MAEA: variants seen among roughly 807,000 people sequenced by gnomAD.
MAEA encodes macrophage erythroblast attacher, E3 ubiquitin ligase, also known as E3 ubiquitin-protein transferase MAEA.
MAEA carries 22 observed loss-of-function variants against 46.2 expected under a neutral mutation model. That is an observed-to-expected ratio of 0.48 (90% CI 0.34 to 0.68). The LOEUF (loss-of-function observed/expected upper bound fraction) is 0.68. MAEA is among the 30% of genes least tolerant of loss of function. The pLI, the probability that MAEA is intolerant of heterozygous loss-of-function variation, is 0.01. For missense variants in MAEA, 393 were observed against 558.1 expected, an observed-to-expected ratio of 0.70 and a Z score of 2.98; for synonymous variants, 246 against 222.6, an observed-to-expected ratio of 1.11 and a Z score of -0.94.
intron 4 of MAEA, among the ~76,000 whole-genome samples, chr4:1,326,063 C>A (rs1347381972): frequency 6.6e-6 from 1 of 152,220 alleles, no homozygotes; most frequent in Non-Finnish European, 1.5e-5. Context: ...GGGGTCTGGG[C>A]AGCCCAGTCC....
intron 1 of MAEA, among the ~76,000 whole-genome samples, chr4:1,295,267 C>T (rs1489140294): frequency 6.6e-6 from 1 of 152,126 alleles, no homozygotes; most frequent in Non-Finnish European, 1.5e-5. Context: ...GCCGGGGTAA[C>T]TGCTGATGAT....
In MAEA at chr4:1,336,905, C is replaced by G. The variant is rs546542242; in HGVS notation, c.810C>G (p.Phe270Leu). The G allele has an allele frequency of 6.2e-7, 1 of 1,614,026 alleles. No homozygotes were observed. The highest frequency in any genetic ancestry group is 1.1e-5 in the South Asian group (1 of 91,080). The change falls in exon 7 of 9, where the codon TTC becomes TTG. Residue 270 changes from phenylalanine (F) to leucine (L), a missense_variant. Transcript: ENST00000303400. Reference sequence around the variant, plus strand: ...GGTGGCGGATGCTGATCCAGCAGTTCCGGTACGACAACTACCGACTACACC... The same window carrying G: ...GGTGGCGGATGCTGATCCAGCAGTTGCGGTACGACAACTACCGACTACACC... ...PARWRMLIQQ[F>L]RYDNYRLHQL...
Position 1,339,720 on chromosome 4 carries a change from C to G in MAEA, c.*551C>G, listed in dbSNP as rs566925949. 1 of 154,970 alleles carries G rather than the reference C, an allele frequency of 6.5e-6. No individual in the cohort carries two copies. Among genetic ancestry groups the G allele is most frequent in the East Asian group, 1.9e-4 (1 of 5,214 alleles). 9.6% of individuals were successfully genotyped at this position (154,970 alleles called of 1,614,324 possible). The stretch of plus-strand genomic sequence containing the variant: ...CGCCGCCACCGTCGGGGGCTGGCTT[C>G]GAGGACGCCCGCCTGCCTCGCGGGT... On this transcript the variant is annotated 3_prime_UTR_variant, in exon 9 of 9. Transcript: ENST00000303400.
At chr4:1,304,334 A>T (rs6599298) in intron 1 of MAEA, among the ~76,000 whole-genome samples, 14 of 151,884 alleles carry the variant, frequency 9.2e-5, no homozygotes, top group Admixed American at 9.2e-4. Flanking sequence ...GGGTGTCTCT[A>T]TGTTGCCCAG....
At chr4:1,310,754 G>T (rs1489301935) in intron 1 of MAEA, among the ~76,000 whole-genome samples, 1 of 152,222 alleles carries the variant, frequency 6.6e-6, no homozygotes, top group Non-Finnish European at 1.5e-5. Context: ...CTGGGGCCAG[G>T]CCGAGTGGGG....
chr4:1,322,553 G>A (rs371952775), intron 4 of MAEA, 50 bp downstream of exon 4: 23 of 1,602,516 alleles, frequency 1.4e-5, no homozygotes, highest in African/African-American at 9.4e-5. Flanking sequence ...CCGAGGCTGC[G>A]CCACCTGCCC....
At chr4:1,293,190 C>G (rs938647854) in intron 1 of MAEA, among the ~76,000 whole-genome samples, 3 of 150,780 alleles carry the variant, frequency 2.0e-5, no homozygotes, top group African/African-American at 7.4e-5. Context: ...GAAGCCCTTG[C>G]TTTCATTATT....
chr4:1,323,553 C>T (rs774316696), intron 4 of MAEA: 2 of 702,548 alleles, frequency 2.8e-6, no homozygotes, highest in Admixed American at 2.0e-5. Flanking sequence ...GCTAGTAGCT[C>T]CCCTAAAGAG....
At chr4:1,321,120 A>G (rs1431865564) in intron 3 of MAEA, among the ~76,000 whole-genome samples, 3 of 152,042 alleles carry the variant, frequency 2.0e-5, no homozygotes, top group African/African-American at 7.2e-5. Context: ...ACAAAAGCAC[A>G]CATGCAAGAA....
chr4:1,335,771 G>A (rs1300524829), intron 6 of MAEA: 2 of 985,188 alleles, frequency 2.0e-6, no homozygotes, highest in Admixed American at 1.2e-4. Context: ...CCTGCAGTGT[G>A]TTGAAATCAC....
chr4:1,329,087 G>A (rs1223745568), intron 5 of MAEA: 6 of 985,452 alleles, frequency 6.1e-6, no homozygotes, highest in Admixed American at 1.2e-4. Context: ...TGAGGGCCCC[G>A]GCCACTGTCA....
chr4:1,292,486 C>T (rs1454019797), intron 1 of MAEA, among the ~76,000 whole-genome samples: 3 of 152,138 alleles, frequency 2.0e-5, no homozygotes, highest in Non-Finnish European at 1.5e-5. Context: ...TTGGGCACCT[C>T]TGTCGTCATG....
intron 3 of MAEA, among the ~76,000 whole-genome samples, chr4:1,320,661 G>C (rs1010541763): frequency 5.3e-5 from 8 of 151,668 alleles, no homozygotes; most frequent in African/African-American, 1.7e-4. Context: ...AAACGTGCAA[G>C]AAGACACTAT....
At chr4:1,291,035 A>G (rs1424589144) in intron 1 of MAEA, among the ~76,000 whole-genome samples, 2 of 152,242 alleles carry the variant, frequency 1.3e-5, no homozygotes, top group Non-Finnish European at 1.5e-5. Flanking sequence ...TGTTTCAAAC[A>G]GTGCCTAGCA....
Position 1,311,084 on chromosome 4 carries a change from G to A in MAEA, c.70-895G>A, listed in dbSNP as rs1044778710. The stretch of plus-strand genomic sequence containing the variant: ...AGTCTGTCCTCCCATGGTTGGGCAC[G>A]GCTGGAGAGGAGGCGAGGTGGAGCG... On this transcript the variant is annotated intron_variant, in intron 1 of 8. Coordinates refer to ENST00000303400, the MANE Select transcript of MAEA (RefSeq NM_001017405.3). This position sits in a 1 kb window ranked among gnomAD's most constrained non-coding sequence, Gnocchi z 4.4. Among the ~76,000 whole-genome samples, 11 of 152,370 alleles carry A rather than the reference G, an allele frequency of 7.2e-5. 1 individual carries two copies. Among genetic ancestry groups the A allele is most frequent in the East Asian group, 3.9e-4 (2 of 5,180 alleles).
intron 1 of MAEA, among the ~76,000 whole-genome samples, chr4:1,292,024 A>G (rs1220765389): frequency 1.3e-5 from 2 of 152,230 alleles, no homozygotes; most frequent in African/African-American, 4.8e-5. Flanking sequence ...GTATAGAACT[A>G]AACAGAACAT....
At chr4:1,330,324 C>CTCTCTCTCTCTCTCTT (rs1560381344) in intron 5 of MAEA, 2 of 155,848 alleles carry the variant, frequency 1.3e-5, no homozygotes, top group African/African-American at 5.7e-5. Flanking sequence ...CTCTCTCTCT[C>CTCTCTCTCTCTCTCTT]TTTCCGTGTG....
At chr4:1,319,755 G>T (rs1737784724) in intron 3 of MAEA, among the ~76,000 whole-genome samples, 1 of 146,480 alleles carries the variant, frequency 6.8e-6, no homozygotes, top group Admixed American at 7.0e-5. Flanking sequence ...AAAAAAAATG[G>T]TTTTTCAAGT....
intron 1 of MAEA, among the ~76,000 whole-genome samples, chr4:1,292,824 C>T (rs1353249828): frequency 1.3e-5 from 2 of 151,630 alleles, no homozygotes; most frequent in Admixed American, 6.6e-5. Context: ...CTGTGAACGC[C>T]GTCCGGTGTA....
Sources: allele counts gnomAD v4.1 joint callset (sites outside exome capture counted in the v4.1 genomes callset), GRCh38; gene constraint gnomAD v4.1.1; non-coding constraint Gnocchi (gnomAD v3.1); transcripts MANE v1.5; gene names NCBI Gene and HGNC (gene_info 2026-07-23, HGNC 2026-07-21).